The following CLDN14 variants were observed in gnomAD, a reference collection of about 807,000 sequenced individuals.
CLDN14 encodes the protein claudin 14.
Under a neutral mutation model 2.1 loss-of-function variants are expected in CLDN14, and 2 were observed. That is an observed-to-expected ratio of 0.96 (90% CI 0.39 to 3.01). The LOEUF (loss-of-function observed/expected upper bound fraction) is 3.01. CLDN14 is among the 30% of genes most tolerant of loss of function. The pLI is 0.09. For synonymous variants in CLDN14, 136 were observed against 154.4 expected (o/e 0.88, Z 0.88); for missense variants, 298 against 328.0 (o/e 0.91, Z 0.71).
upstream of CLDN14, chr21:36,480,489 G>C (rs537239494): frequency 6.6e-6 from 1 of 152,306 alleles, no homozygotes; most frequent in African/African-American, 2.4e-5. Flanking sequence ...AACTGGTCAG[G>C]GCTGGGAACG....
intron 1 of CLDN14, among the ~76,000 whole-genome samples, chr21:36,477,090 T>A (rs923534857): frequency 1.3e-5 from 2 of 152,176 alleles, no homozygotes; most frequent in Non-Finnish European, 1.5e-5. Context: ...CAGTGCAAAA[T>A]GAAAATACAG....
intron 2 of CLDN14, among the ~76,000 whole-genome samples, chr21:36,491,268 G>A (rs2086961715): frequency 6.6e-6 from 1 of 152,092 alleles, no homozygotes; most frequent in Admixed American, 6.5e-5. Flanking sequence ...TAAGGTTTGT[G>A]CCCTAAAACA....
chr21:36,552,497 G>A (rs2087569554), intron 1 of CLDN14, among the ~76,000 whole-genome samples: 1 of 152,036 alleles, frequency 6.6e-6, no homozygotes, highest in African/African-American at 2.4e-5. Flanking sequence ...ATCCTAAAAG[G>A]GTCACTAATG....
At chr21:36,533,166 G>A (rs1470886788) in intron 1 of CLDN14, among the ~76,000 whole-genome samples, 1 of 152,196 alleles carries the variant, frequency 6.6e-6, no homozygotes, top group Non-Finnish European at 1.5e-5. Flanking sequence ...CTTAGCTCGG[G>A]TGGGGCTGCA....
intron 1 of CLDN14, among the ~76,000 whole-genome samples, chr21:36,570,274 C>T (rs1018701476): frequency 2.0e-5 from 3 of 152,212 alleles, no homozygotes; most frequent in East Asian, 1.9e-4. Context: ...AGGTAGCAGG[C>T]TTCAGAGGGA....
rs1419355444 is a variant in CLDN14 at position 36,501,050 on chromosome 21, G to C, written c.-82+9313C>G. Among the ~76,000 whole-genome samples, 19 of 152,350 alleles carry C rather than the reference G, an allele frequency of 1.2e-4. No individual in the cohort carries two copies. The East Asian group carries it at 3.7e-3, about 29-fold the overall frequency. ...ACCCGGGGGGTGCGGCTCAGCCGCA[G>C]GTCTTCTCAGCGATGTGGTTGCTGT... On this transcript the variant is annotated intron_variant, in intron 2 of 2. Transcript: ENST00000342108.
At chr21:36,539,893 C>T (rs1043554921) in intron 1 of CLDN14, among the ~76,000 whole-genome samples, 4 of 132,798 alleles carry the variant, frequency 3.0e-5, no homozygotes, top group Non-Finnish European at 1.6e-5. Flanking sequence ...AGCGTCTGTG[C>T]AGAGGGAGTG....
At chr21:36,484,206 G>A (rs1336247731), upstream of CLDN14, among the ~76,000 whole-genome samples, 2 of 152,226 alleles carry the variant, frequency 1.3e-5, no homozygotes, top group African/African-American at 2.4e-5. Context: ...GGTAGGAAGA[G>A]CATGAGGCTC....
Position 36,551,148 on chromosome 21 carries a change from C to A in CLDN14, c.-220+25263G>T, listed in dbSNP as rs892614805. On this transcript the variant is annotated intron_variant, in intron 1 of 2. Coordinates refer to the CLDN14 transcript ENST00000342108. This position sits in a 1 kb window ranked among gnomAD's most constrained non-coding sequence, Gnocchi z 4.8. ...CTCCAGAAGGAACCAGCCCTTCCTA[C>A]CCCGCAATTTCGGACTTCCTGTTCC... 6.6e-6 allele frequency among the ~76,000 whole-genome samples: 1 copy of A among 152,196 alleles called. No individual in the cohort carries two copies. Among genetic ancestry groups the A allele is most frequent in the Non-Finnish European group, 1.5e-5 (1 of 68,036 alleles).
At chr21:36,467,679 G>A (rs368275602) in intron 1 of CLDN14, among the ~76,000 whole-genome samples, 31 of 152,148 alleles carry the variant, frequency 2.0e-4, no homozygotes, top group East Asian at 1.2e-3. Flanking sequence ...TTGGAGGGGT[G>A]CAGGGATGGG....
At chr21:36,541,096 T>A (rs1213743744) in intron 1 of CLDN14, among the ~76,000 whole-genome samples, 1 of 152,168 alleles carries the variant, frequency 6.6e-6, no homozygotes, top group Non-Finnish European at 1.5e-5. Flanking sequence ...AGGTTTCTGG[T>A]TTAAGCCAGT....
At chr21:36,463,884 A>C (rs2146417466) in intron 1 of CLDN14, among the ~76,000 whole-genome samples, 1 of 152,298 alleles carries the variant, frequency 6.6e-6, no homozygotes, top group East Asian at 1.9e-4. Flanking sequence ...GCATTGTAGG[A>C]GGTAATTGGT....
intron 1 of CLDN14, among the ~76,000 whole-genome samples, chr21:36,473,287 A>G (rs1340188520): frequency 1.3e-5 from 2 of 152,048 alleles, no homozygotes; most frequent in African/African-American, 4.8e-5. Context: ...AGGTCCCACT[A>G]TGTTGCCCAG....
chr21:36,539,567 T>C (rs1248193127), intron 1 of CLDN14, among the ~76,000 whole-genome samples: 2 of 143,656 alleles, frequency 1.4e-5, no homozygotes, highest in Admixed American at 6.9e-5. Context: ...GTGGAGTGAG[T>C]GTGTGCAGTT....
chr21:36,469,096 G>A (rs2086680635), intron 1 of CLDN14, among the ~76,000 whole-genome samples: 1 of 152,116 alleles, frequency 6.6e-6, no homozygotes, highest in Admixed American at 6.5e-5. Context: ...TGGACACTGT[G>A]TTTCTTAATC....
At chr21:36,506,150 A>C (rs1434232795) in intron 2 of CLDN14, among the ~76,000 whole-genome samples, 1 of 152,286 alleles carries the variant, frequency 6.6e-6, no homozygotes, top group East Asian at 1.9e-4. Flanking sequence ...GATTAGTTAC[A>C]TAACTACGGT....
At position 36,551,242 on chromosome 21, in the gene CLDN14, C is replaced by A. The variant is rs907590966; in HGVS notation, c.-220+25169G>T. Among the ~76,000 whole-genome samples the A allele has an allele frequency of 5.3e-5, 8 of 152,250 alleles. No individual in the cohort carries two copies. Among genetic ancestry groups the A allele is most frequent in the Admixed American group, 3.9e-4 (6 of 15,292 alleles). ...TCCTTAGCAAACAAATCCAGAGAGACCACGATGGCTTGGCCCCCTCCCCTT... is the reference window on the plus strand; with the variant it reads ...TCCTTAGCAAACAAATCCAGAGAGAACACGATGGCTTGGCCCCCTCCCCTT... On this transcript the variant is annotated intron_variant, in intron 1 of 2. Transcript: ENST00000342108. This position sits in a 1 kb window ranked among gnomAD's most constrained non-coding sequence, Gnocchi z 4.8.
At chr21:36,464,043 T>C (rs1377211685) in intron 1 of CLDN14, among the ~76,000 whole-genome samples, 2 of 152,174 alleles carry the variant, frequency 1.3e-5, no homozygotes, top group African/African-American at 4.8e-5. Context: ...CAGTCCCCAG[T>C]GTTGGAGGAA....
At position 36,544,627 on chromosome 21, in the gene CLDN14, C is replaced by A. The variant is rs754910748; in HGVS notation, c.-220+31784G>T. On this transcript the variant is annotated intron_variant, in intron 1 of 2. Coordinates refer to the CLDN14 transcript ENST00000342108. This position sits in a 1 kb window ranked among gnomAD's most constrained non-coding sequence, Gnocchi z 4.1. The stretch of plus-strand genomic sequence containing the variant: ...ACGCCCAGGGAGCTAAGCAAAATTT[C>A]TCTGTATTTTATCCAAATATGCCGT... Among the ~76,000 whole-genome samples the A allele has an allele frequency of 2.6e-5, 4 of 152,186 alleles. No individual in the cohort carries two copies. The highest frequency in any genetic ancestry group is 5.9e-5 in the Non-Finnish European group (4 of 68,032).
Sources: gnomAD v4.1 joint callset for allele counts (sites outside exome capture counted in the v4.1 genomes callset) on GRCh38, gnomAD v4.1.1 for gene constraint, Gnocchi (gnomAD v3.1) non-coding constraint, MANE v1.5 for transcripts, NCBI Gene and HGNC (gene_info 2026-07-23, HGNC 2026-07-21) for gene names.